Variants in CDK5RAP2 observed in about 807,000 individuals in gnomAD.
CDK5RAP2 encodes the protein CDK5 regulatory subunit-associated protein 2.
A neutral mutation model predicts 232.9 loss-of-function variants in CDK5RAP2; 147 were observed. That is an observed-to-expected ratio of 0.63 (90% CI 0.55 to 0.72). The LOEUF (loss-of-function observed/expected upper bound fraction) is 0.72, where lower values mean the gene tolerates loss of function less well. Ranked by LOEUF, CDK5RAP2 falls within the 30% of genes least tolerant of loss-of-function variation. The pLI is 0.00. For synonymous variants in CDK5RAP2, 833 were observed against 833.7 expected, an observed-to-expected ratio of 1.00 and a Z score of 0.01; for missense variants, 2,195 against 2,231.5, an observed-to-expected ratio of 0.98 and a Z score of 0.33.
At chr9:120,562,775 GC>G (rs144414325) in intron 3 of CDK5RAP2, among the ~76,000 whole-genome samples, 65 of 151,980 alleles carry the variant, frequency 4.3e-4, no homozygotes, top group African/African-American at 1.5e-3. Context: ...AACCACAGTA[GC>G]CGCCCTGTTT....
At chr9:120,554,374 A>T (rs2042149724) in intron 3 of CDK5RAP2, among the ~76,000 whole-genome samples, 1 of 152,222 alleles carries the variant, frequency 6.6e-6, no homozygotes, top group Non-Finnish European at 1.5e-5. Context: ...ATTATAGTTC[A>T]TGCATCTGTT....
At chr9:120,569,399 A>G (rs1351939289) in intron 2 of CDK5RAP2, among the ~76,000 whole-genome samples, 3 of 152,214 alleles carry the variant, frequency 2.0e-5, no homozygotes, top group African/African-American at 4.8e-5. Context: ...AATAAAGTAG[A>G]TAAGGATAGG....
At chr9:120,468,107 G>A (rs1291285644) in intron 17 of CDK5RAP2, 110 bp from the exon 18 acceptor site, 23 of 1,046,716 alleles carry the variant, frequency 2.2e-5, no homozygotes, top group East Asian at 4.8e-5. Flanking sequence ...CCACAGTTAC[G>A]GGGAATCAGG....
intron 34 of CDK5RAP2, 65 bp downstream of exon 34, chr9:120,402,741 C>T: frequency 1.3e-6 from 2 of 1,590,610 alleles, no homozygotes; most frequent in South Asian, 1.1e-5. Flanking sequence ...CATTTGACTC[C>T]CCTCCCCCTT....
rs149520940 is a variant in CDK5RAP2, at chr9:120,578,748, G to A, written c.59+1172C>T. Among the ~76,000 whole-genome samples the A allele has an allele frequency of 7.5e-3, 1,146 of 152,046 alleles. 24 individuals are homozygous for A. Among genetic ancestry groups the A allele is most frequent in the African/African-American group, 0.025 (1,047 of 41,460 alleles). Reference sequence around the variant, plus strand: ...CGCCTGGCTAATCTTTGTAGTTTTTGTAGAGATAGGATTTCACCATGTTGC... The same window carrying A: ...CGCCTGGCTAATCTTTGTAGTTTTTATAGAGATAGGATTTCACCATGTTGC... On this transcript the variant is annotated intron_variant, in intron 1 of 37. Coordinates refer to ENST00000349780, the MANE Select transcript of CDK5RAP2 (RefSeq NM_018249.6).
intron 28 of CDK5RAP2, among the ~76,000 whole-genome samples, chr9:120,414,502 T>C (rs899718837): frequency 6.6e-6 from 1 of 152,108 alleles, no homozygotes; most frequent in African/African-American, 2.4e-5. Context: ...TATATGCTGG[T>C]ATTTGCATTT....
At chr9:120,397,641 T>C (rs983524691) in intron 35 of CDK5RAP2, among the ~76,000 whole-genome samples, 1 of 148,602 alleles carries the variant, frequency 6.7e-6, no homozygotes, top group Non-Finnish European at 1.5e-5. Context: ...TTCCTTAGTA[T>C]CACCACATCC....
intron 4 of CDK5RAP2, among the ~76,000 whole-genome samples, chr9:120,548,712 T>C (rs778484010): frequency 2.0e-5 from 3 of 152,108 alleles, no homozygotes; most frequent in Non-Finnish European, 2.9e-5. Flanking sequence ...CTCAGGAGAC[T>C]GAGGTGGGAG....
intron 18 of CDK5RAP2, among the ~76,000 whole-genome samples, chr9:120,461,515 A>G (rs1030762027): frequency 1.3e-5 from 2 of 152,230 alleles, no homozygotes; most frequent in African/African-American, 4.8e-5. Context: ...AATCAAAGCT[A>G]TGTCAAAATT....
intron 5 of CDK5RAP2, among the ~76,000 whole-genome samples, chr9:120,545,446 G>A (rs1281618463): frequency 6.6e-6 from 1 of 152,210 alleles, no homozygotes; most frequent in Non-Finnish European, 1.5e-5. Context: ...GGGCTGGCAT[G>A]TTCTGTTTCC....
Position 120,551,038 on chromosome 9 carries a change from T to C in CDK5RAP2, c.196-136A>G, listed in dbSNP as rs753626870. 5.3e-5 allele frequency: 36 copies of C among 681,130 alleles called. No homozygotes were observed. The African/African-American group carries it at 5.9e-4, about 11-fold the overall frequency. The allele number at this position is 681,130 out of a possible 1,614,324, so 42.2% of individuals were successfully genotyped here. On this transcript the variant is annotated intron_variant, in intron 3 of 37. Transcript: ENST00000349780. ...GTTAAATACTAGAGAAAGCTTATTT[T>C]TGCTACCATTCTACTAACCCAGAAG...
Position 120,534,976 on chromosome 9 carries a change from C to T in CDK5RAP2, c.662+1396G>A, listed in dbSNP as rs1469180949. On this transcript the variant is annotated intron_variant, in intron 7 of 37. Coordinates refer to ENST00000349780, the MANE Select transcript of CDK5RAP2 (RefSeq NM_018249.6). Reference sequence around the variant, plus strand: ...GGTGATGCCTGGAAAGGCCAGTACTCTGGGGGGAGGCTCAGTAGGAGGGCA... The same window carrying T: ...GGTGATGCCTGGAAAGGCCAGTACTTTGGGGGGAGGCTCAGTAGGAGGGCA... Among the ~76,000 whole-genome samples the T allele has an allele frequency of 3.3e-5, 5 of 152,176 alleles. No individual in the cohort carries two copies. In the East Asian group the frequency reaches 9.6e-4, roughly 29 times the overall value.
At position 120,468,001 on chromosome 9, in the gene CDK5RAP2, G is replaced by A. The variant is rs2037479193; in HGVS notation, c.1969-4C>T. ...CTAGCTGTATAAGGTCACTGACCTA[G>A]GAGGTAAGAACAGGGAAAAGGCTGT... is the stretch of plus-strand genomic sequence containing the variant. On this transcript the variant is annotated splice_polypyrimidine_tract_variant and splice_region_variant and intron_variant, in intron 17 of 37. Coordinates refer to ENST00000349780, the MANE Select transcript of CDK5RAP2 (RefSeq NM_018249.6). 1 of 1,613,738 alleles carries A rather than the reference G, an allele frequency of 6.2e-7. No individual in the cohort carries two copies. Among genetic ancestry groups the A allele is most frequent in the Non-Finnish European group, 8.5e-7 (1 of 1,179,880 alleles).
intron 21 of CDK5RAP2, among the ~76,000 whole-genome samples, chr9:120,451,131 A>G (rs1033986969): frequency 2.0e-5 from 3 of 152,216 alleles, no homozygotes; most frequent in Non-Finnish European, 4.4e-5. Flanking sequence ...AAGCTGGAAG[A>G]CTGCCGTCAG....
intron 18 of CDK5RAP2, among the ~76,000 whole-genome samples, chr9:120,467,572 T>C (rs994061351): frequency 6.6e-6 from 1 of 152,220 alleles, no homozygotes; most frequent in Non-Finnish European, 1.5e-5. Context: ...TATATAAATA[T>C]ATGGTTTGTA....
intron 13 of CDK5RAP2, among the ~76,000 whole-genome samples, chr9:120,489,523 CCA>C (rs1381278093): frequency 6.6e-6 from 1 of 152,042 alleles, no homozygotes; most frequent in African/African-American, 2.4e-5. Context: ...ATTTTCTCTC[CCA>C]TTTTCTCATC....
At chr9:120,515,433 G>T in intron 12 of CDK5RAP2, among the ~76,000 whole-genome samples, 1 of 152,164 alleles carries the variant, frequency 6.6e-6, no homozygotes, top group East Asian at 1.9e-4. Context: ...TTTGCATTTT[G>T]TCTTGTATAA....
In CDK5RAP2 at chr9:120,408,146, G is replaced by A. The variant is rs562359925; in HGVS notation, c.4726+201C>T. On this transcript the variant is annotated intron_variant, in intron 31 of 37. Transcript: ENST00000349780. ...AACCCGGACCTCGGCTGGCCTGGGT[G>A]CTGAGCCTCAGTCCTTCTATGTTTC... is the stretch of plus-strand genomic sequence containing the variant. 92 of 663,026 alleles carry A rather than the reference G, an allele frequency of 1.4e-4. 1 individual carries two copies. The African/African-American group carries it at 1.5e-3, about 11-fold the overall frequency. 41.1% of individuals were successfully genotyped at this position (663,026 alleles called of 1,614,324 possible). A position where few individuals can be genotyped will look rare whatever the true frequency, so the allele number is the denominator to read the frequency against.
At chr9:120,550,765 G>T in intron 4 of CDK5RAP2, 27 bp downstream of exon 4, 2 of 1,194,510 alleles carry the variant, frequency 1.7e-6, no homozygotes, top group Non-Finnish European at 2.5e-6. Flanking sequence ...GGACACAAGG[G>T]ACAGTAATGA....
Sources: allele counts gnomAD v4.1 joint callset (sites outside exome capture counted in the v4.1 genomes callset), GRCh38; gene constraint gnomAD v4.1.1; transcripts MANE v1.5; gene names NCBI Gene and HGNC (gene_info 2026-07-23, HGNC 2026-07-21).